The following CFAP20DC variants were observed in gnomAD, a reference collection of about 807,000 sequenced individuals.
CFAP20DC encodes the protein CFAP20 domain containing.
In CFAP20DC, 84 loss-of-function variants were observed where a neutral mutation model predicts 101.7. The observed-to-expected ratio is 0.83, with a 90% CI of 0.69 to 0.99. The LOEUF (loss-of-function observed/expected upper bound fraction) is 0.99. Ranked by LOEUF, CFAP20DC falls within the 50% of genes least tolerant of loss-of-function variation. The pLI is 0.00. For synonymous variants in CFAP20DC, 359 were observed against 351.2 expected, an observed-to-expected ratio of 1.02 and a Z score of -0.25; for missense variants, 1,007 against 970.3, an observed-to-expected ratio of 1.04 and a Z score of -0.50.
chr3:58,811,726 G>C lies in CFAP20DC; in HGVS notation c.2176-5270C>G, dbSNP rs181650419. Reference sequence around the variant, plus strand: ...AAATGGGATCTAATTAAACTAAAGAGCTTCTGCATAGCAAAAGAAACTACC... The same window carrying C: ...AAATGGGATCTAATTAAACTAAAGACCTTCTGCATAGCAAAAGAAACTACC... On this transcript the variant is annotated intron_variant, in intron 14 of 16. Coordinates refer to ENST00000482387, the MANE Select transcript of CFAP20DC (RefSeq NM_001394063.1). Among the ~76,000 whole-genome samples, 88 of 152,192 alleles carry C rather than the reference G, an allele frequency of 5.8e-4. 2 individuals are homozygous for C. The highest frequency in any genetic ancestry group is 4.3e-3 in the Admixed American group (66 of 15,258).
Position 58,729,826 on chromosome 3 carries a change from G to A in CFAP20DC, c.198-12198C>T, listed in dbSNP as rs983989221. ...CTGAGGTCAGGAGTTCGAGACCAGCGTGACCAACACGGAGAAACCCTGTCT... is the reference window on the plus strand; with the variant it reads ...CTGAGGTCAGGAGTTCGAGACCAGCATGACCAACACGGAGAAACCCTGTCT... On this transcript the variant is annotated intron_variant, in intron 3 of 3. Transcript: ENST00000486145. The surrounding 1 kb of genome is among the most constrained non-coding windows in gnomAD (Gnocchi z 4.4). Among the ~76,000 whole-genome samples, 2 of 151,854 alleles carry A rather than the reference G, an allele frequency of 1.3e-5. No homozygotes were observed. Among genetic ancestry groups the A allele is most frequent in the Admixed American group, 6.6e-5 (1 of 15,252 alleles).
rs547006564 is a variant in CFAP20DC at position 59,035,262 on chromosome 3, C to T, written c.278+4295G>A. Among the ~76,000 whole-genome samples, 37 of 152,172 alleles carry T rather than the reference C, an allele frequency of 2.4e-4. No homozygotes were observed. The South Asian group carries it at 7.1e-3, about 29-fold the overall frequency. On this transcript the variant is annotated intron_variant, in intron 4 of 16. Transcript: ENST00000482387. The stretch of plus-strand genomic sequence containing the variant: ...GCGGGAAAGATCTAAAATCGACACC[C>T]TAACATCACAATTAAAAGAACTAGA...
chr3:58,997,720 C>A (rs557599381), intron 4 of CFAP20DC, among the ~76,000 whole-genome samples: 1 of 152,146 alleles, frequency 6.6e-6, no homozygotes, highest in African/African-American at 2.4e-5. Context: ...TTTTAAGGAC[C>A]TCTAAGCCTT....
chr3:58,816,926 C>A (rs1008774832), intron 14 of CFAP20DC, among the ~76,000 whole-genome samples: 2 of 152,196 alleles, frequency 1.3e-5, no homozygotes, highest in Admixed American at 1.3e-4. Context: ...GTTCTCCCAG[C>A]ACGCAGCTGG....
chr3:58,954,596 A>T (rs114566984), intron 4 of CFAP20DC, among the ~76,000 whole-genome samples: 1,551 of 152,280 alleles, frequency 0.01, 29 homozygotes, highest in African/African-American at 0.035. Flanking sequence ...TTTAACGGCC[A>T]ATAGAAGATG....
chr3:58,946,332 G>T (rs1220270384), intron 4 of CFAP20DC, among the ~76,000 whole-genome samples: 1 of 151,708 alleles, frequency 6.6e-6, no homozygotes, highest in Non-Finnish European at 1.5e-5. Context: ...GGCCAGGCTG[G>T]TCTCGAACTC....
At chr3:58,759,659 T>C (rs1314269763) in intron 15 of CFAP20DC, among the ~76,000 whole-genome samples, 1 of 152,244 alleles carries the variant, frequency 6.6e-6, no homozygotes, top group Non-Finnish European at 1.5e-5. Flanking sequence ...AGGGTTTTTA[T>C]GGTTTTAGGT....
intron 5 of CFAP20DC, among the ~76,000 whole-genome samples, chr3:58,936,077 G>A (rs1342506174): frequency 6.6e-6 from 1 of 151,748 alleles, no homozygotes; most frequent in African/African-American, 2.4e-5. Context: ...AAATTTACAA[G>A]AAAAAAACAA....
chr3:58,733,962 G>A (rs550307808), intron 3 of CFAP20DC, among the ~76,000 whole-genome samples: 131 of 152,282 alleles, frequency 8.6e-4, no homozygotes, highest in Non-Finnish European at 1.0e-3. Flanking sequence ...CGGTTTTGCT[G>A]TGTCCCCACC....
intron 3 of CFAP20DC, among the ~76,000 whole-genome samples, chr3:59,042,202 T>C (rs1699452085): frequency 1.3e-5 from 2 of 151,842 alleles, no homozygotes; most frequent in African/African-American, 4.8e-5. Context: ...GAGTACTCCA[T>C]CCTATGATGG....
chr3:58,954,299 A>G (rs2090430612), intron 4 of CFAP20DC, among the ~76,000 whole-genome samples: 1 of 152,228 alleles, frequency 6.6e-6, no homozygotes, highest in African/African-American at 2.4e-5. Flanking sequence ...CTGTATGTAC[A>G]ATCATTTACA....
downstream of CFAP20DC, among the ~76,000 whole-genome samples, chr3:58,739,411 T>C (rs949292157): frequency 6.6e-6 from 1 of 151,954 alleles, no homozygotes; most frequent in Non-Finnish European, 1.5e-5. Context: ...TGAATCAATC[T>C]ATTTTTTTTA....
intron 15 of CFAP20DC, among the ~76,000 whole-genome samples, chr3:58,773,081 A>T (rs1465580778): frequency 6.6e-6 from 1 of 151,916 alleles, no homozygotes; most frequent in Non-Finnish European, 1.5e-5. Flanking sequence ...ATCTATAAGA[A>T]AACCCTTCTG....
chr3:58,808,966 G>A (rs2074363954), intron 14 of CFAP20DC, among the ~76,000 whole-genome samples: 1 of 152,036 alleles, frequency 6.6e-6, no homozygotes, highest in East Asian at 1.9e-4. Context: ...AAGAGACAAA[G>A]AAGGCCATTA....
rs764355171 is a variant in CFAP20DC at position 59,039,588 on chromosome 3, G to T, written c.247C>A (p.Pro83Thr). ...TCAGTGGAGAAGTCTTGTCCCAGGG[G>T]TACGTAAATCTGAAGTACAAGAAAC... ...QRFLVLQIYV[P>T]LGQDFSTELL... The change falls in exon 4 of 17, where the codon CCC (proline) becomes ACC (threonine). Residue 83 changes from proline (P) to threonine (T), a missense_variant. By Grantham distance (38) the Pro-to-Thr change is conservative. Coordinates refer to ENST00000482387, the MANE Select transcript of CFAP20DC (RefSeq NM_001394063.1). 12 of 1,526,706 alleles carry T rather than the reference G, an allele frequency of 7.9e-6. No homozygotes were observed. In the East Asian group the frequency reaches 2.2e-4, roughly 28 times the overall value. 94.6% of individuals were successfully genotyped at this position (1,526,706 alleles called of 1,614,324 possible).
At chr3:58,739,213 C>A (rs2067826439), downstream of CFAP20DC, among the ~76,000 whole-genome samples, 2 of 152,256 alleles carry the variant, frequency 1.3e-5, no homozygotes, top group East Asian at 1.9e-4. Flanking sequence ...AATCATTGAT[C>A]TGATGCCACT....
chr3:59,048,619 C>T (rs578118029), intron 1 of CFAP20DC, among the ~76,000 whole-genome samples: 1 of 152,038 alleles, frequency 6.6e-6, no homozygotes, highest in African/African-American at 2.4e-5. Flanking sequence ...AGTGTTCTAG[C>T]CCAATTAGTG....
At chr3:58,935,879 T>C (rs1347239999) in intron 5 of CFAP20DC, among the ~76,000 whole-genome samples, 7 of 152,240 alleles carry the variant, frequency 4.6e-5, no homozygotes, top group Admixed American at 2.0e-4. Context: ...ACTTCATGTC[T>C]GAAACACCAA....
At chr3:59,030,024 A>T (rs1233959462) in intron 4 of CFAP20DC, among the ~76,000 whole-genome samples, 1 of 152,204 alleles carries the variant, frequency 6.6e-6, no homozygotes, top group African/African-American at 2.4e-5. Context: ...GATGCTGAGG[A>T]AATGATGACT....
Sources: allele counts gnomAD v4.1 joint callset (sites outside exome capture counted in the v4.1 genomes callset), GRCh38; gene constraint gnomAD v4.1.1; non-coding constraint Gnocchi (gnomAD v3.1); transcripts MANE v1.5; gene names NCBI Gene and HGNC (gene_info 2026-07-23, HGNC 2026-07-21).